The following CCSER1 variants were observed in gnomAD, a reference collection of about 807,000 sequenced individuals.
CCSER1 encodes coiled-coil serine rich protein 1, also known as serine-rich coiled-coil domain-containing protein 1.
A neutral mutation model predicts 82.0 loss-of-function variants in CCSER1; 41 were observed. That is an observed-to-expected ratio of 0.50 (90% CI 0.39 to 0.65). CCSER1 has a LOEUF of 0.65. Among genes scored for constraint, CCSER1 ranks in the 30% least tolerant of loss-of-function variants. CCSER1 has a pLI of 0.00. For synonymous variants in CCSER1, 414 were observed against 383.9 expected, an observed-to-expected ratio of 1.08 and a Z score of -0.92; for missense variants, 1,119 against 1,064.2, an observed-to-expected ratio of 1.05 and a Z score of -0.72.
intron 10 of CCSER1, among the ~76,000 whole-genome samples, chr4:91,341,508 A>G (rs779262541): frequency 1.3e-5 from 2 of 152,194 alleles, no homozygotes; most frequent in African/African-American, 2.4e-5. Context: ...AACATTTAGC[A>G]TGTGCATTTA....
At chr4:91,387,436 G>T (rs1051916152) in intron 10 of CCSER1, among the ~76,000 whole-genome samples, 2 of 151,674 alleles carry the variant, frequency 1.3e-5, no homozygotes, top group African/African-American at 4.8e-5. Flanking sequence ...AAATACTTAG[G>T]ACACTGAGAA....
intron 5 of CCSER1, among the ~76,000 whole-genome samples, chr4:90,479,991 C>A (rs1430948545): frequency 6.6e-6 from 1 of 152,160 alleles, no homozygotes; most frequent in African/African-American, 2.4e-5. Context: ...ACAGTCCCAC[C>A]AACAGTGTCA....
intron 10 of CCSER1, among the ~76,000 whole-genome samples, chr4:91,266,297 G>T (rs1331956463): frequency 6.6e-6 from 1 of 151,822 alleles, no homozygotes; most frequent in African/African-American, 2.4e-5. Flanking sequence ...TGTTGGCCCA[G>T]GCTGGTGTGC....
intron 7 of CCSER1, among the ~76,000 whole-genome samples, chr4:90,741,926 A>G (rs1268870334): frequency 2.0e-5 from 3 of 152,202 alleles, no homozygotes; most frequent in Non-Finnish European, 4.4e-5. Context: ...TGCTTTAAAG[A>G]ACTACCTGAG....
chr4:91,218,179 G>C (rs565864342), intron 10 of CCSER1, among the ~76,000 whole-genome samples: 2 of 152,196 alleles, frequency 1.3e-5, no homozygotes, highest in African/African-American at 4.8e-5. Context: ...ACTGCTGGGG[G>C]ACTCAGTACA....
At chr4:90,349,994 A>G (rs1743137938) in intron 3 of CCSER1, among the ~76,000 whole-genome samples, 1 of 152,154 alleles carries the variant, frequency 6.6e-6, no homozygotes, top group Non-Finnish European at 1.5e-5. Flanking sequence ...TGCATCTTTC[A>G]TTGTACTTTT....
At chr4:90,170,731 A>T (rs562427616) in intron 1 of CCSER1, among the ~76,000 whole-genome samples, 1 of 151,926 alleles carries the variant, frequency 6.6e-6, no homozygotes, top group Non-Finnish European at 1.5e-5. Flanking sequence ...ATAGTATTCC[A>T]TTGTATATAT....
At chr4:90,421,720 T>C (rs17016990) in intron 4 of CCSER1, among the ~76,000 whole-genome samples, 5,999 of 152,210 alleles carry the variant, frequency 0.039, 142 homozygotes, top group Middle Eastern at 0.075. Flanking sequence ...ATAAAAAGCA[T>C]ATAAAAAGTT....
intron 5 of CCSER1, among the ~76,000 whole-genome samples, chr4:90,574,063 C>A (rs809425): frequency 6.6e-6 from 1 of 150,856 alleles, no homozygotes; most frequent in East Asian, 1.9e-4. Flanking sequence ...TGAGCAAAAT[C>A]TTATAGAATT....
intron 10 of CCSER1, among the ~76,000 whole-genome samples, chr4:91,246,623 T>C (rs968506797): frequency 2.0e-5 from 3 of 152,118 alleles, no homozygotes; most frequent in African/African-American, 7.2e-5. Flanking sequence ...ATAGCTAAGA[T>C]CTGGAAGCAA....
At chr4:91,359,302 G>A (rs568484433) in intron 10 of CCSER1, among the ~76,000 whole-genome samples, 17 of 151,872 alleles carry the variant, frequency 1.1e-4, no homozygotes, top group Non-Finnish European at 2.1e-4. Context: ...GTTTAGGCCA[G>A]GCAGGCCCAG....
At chr4:91,513,066 G>C (rs758309317) in intron 10 of CCSER1, among the ~76,000 whole-genome samples, 38 of 152,038 alleles carry the variant, frequency 2.5e-4, no homozygotes, top group Non-Finnish European at 4.9e-4. Flanking sequence ...AATGCTACCA[G>C]CTTATGCCCA....
chr4:90,909,385 G>C (rs1414432620), intron 8 of CCSER1, among the ~76,000 whole-genome samples: 1 of 152,112 alleles, frequency 6.6e-6, no homozygotes, highest in African/African-American at 2.4e-5. Context: ...AATAAAAGGT[G>C]GTGGTGGCTT....
chr4:91,266,530 C>T (rs530814197), intron 10 of CCSER1, among the ~76,000 whole-genome samples: 12 of 152,170 alleles, frequency 7.9e-5, no homozygotes, highest in African/African-American at 2.2e-4. Context: ...GGATTACAGA[C>T]GTGAGCCACA....
intron 9 of CCSER1, among the ~76,000 whole-genome samples, chr4:91,036,708 A>G (rs1399936159): frequency 6.6e-6 from 1 of 152,206 alleles, no homozygotes; most frequent in Non-Finnish European, 1.5e-5. Flanking sequence ...GAACAGAAAA[A>G]TGTCTTAGAA....
chr4:91,325,014 T>C (rs1218406434), intron 10 of CCSER1: 2 of 367,354 alleles, frequency 5.4e-6, no homozygotes, highest in African/African-American at 2.1e-5. Flanking sequence ...CTTATTGTTC[T>C]AGTGATAGTG....
At chr4:90,198,388 G>A (rs1560782862) in intron 1 of CCSER1, among the ~76,000 whole-genome samples, 2 of 152,144 alleles carry the variant, frequency 1.3e-5, no homozygotes, top group Admixed American at 6.6e-5. Context: ...TATTTGCCAG[G>A]AACCAGAGGC....
At position 91,542,456 on chromosome 4, in the gene CCSER1, A is replaced by AG. The variant is rs1300874656; in HGVS notation, c.2218-56116_2218-56115insG. On this transcript the variant is annotated intron_variant, in intron 10 of 10. Transcript: ENST00000509176. ...TCAGCTTTCTACATATGGCTAGCTC[A>AG]TTTTCCCAGCACCATTTATTAAATA... Among the ~76,000 whole-genome samples, 6 of 151,862 alleles carry AG rather than the reference A, an allele frequency of 4.0e-5. No homozygotes were observed. In the East Asian group the frequency reaches 1.2e-3, roughly 29 times the overall value.
At chr4:90,289,323 A>G (rs1218444177) in intron 1 of CCSER1, among the ~76,000 whole-genome samples, 2 of 152,060 alleles carry the variant, frequency 1.3e-5, no homozygotes, top group South Asian at 2.1e-4. Flanking sequence ...AAATTTGTTA[A>G]TGGTTAACTT....
Sources: allele counts gnomAD v4.1 joint callset (sites outside exome capture counted in the v4.1 genomes callset), GRCh38; gene constraint gnomAD v4.1.1; transcripts MANE v1.5; gene names NCBI Gene and HGNC (gene_info 2026-07-23, HGNC 2026-07-21).